SNX3: variants seen among roughly 807,000 people sequenced by gnomAD.
SNX3 encodes the protein sorting nexin 3.
A neutral mutation model predicts 17.7 loss-of-function variants in SNX3; 5 were observed. The ratio of observed to expected loss-of-function variants is 0.28; its 90% CI spans 0.15 to 0.59. The LOEUF (loss-of-function observed/expected upper bound fraction) is 0.59. Among genes scored for constraint, SNX3 ranks in the 20% least tolerant of loss-of-function variants. The pLI, the probability that SNX3 is intolerant of heterozygous loss-of-function variation, is 0.88. For synonymous variants in SNX3, 91 were observed against 76.5 expected (o/e 1.19, Z -0.99); for missense variants, 132 against 206.8 (o/e 0.64, Z 2.22).
chr6:108,213,649 C>CAA (rs34482948), intron 3 of SNX3, among the ~76,000 whole-genome samples: 81 of 84,408 alleles, frequency 9.6e-4, no homozygotes, highest in South Asian at 1.8e-3. Context: ...AAGACTGTCT[C>CAA]AAAAAAAAAA....
At chr6:108,216,151 G>A (rs566210209) in intron 2 of SNX3, among the ~76,000 whole-genome samples, 3 of 152,034 alleles carry the variant, frequency 2.0e-5, no homozygotes, top group Admixed American at 6.6e-5. Flanking sequence ...ATCATGGCTC[G>A]CTGCAGCCTC....
chr6:108,220,874 G>A (rs760554129), intron 2 of SNX3, among the ~76,000 whole-genome samples: 4 of 151,758 alleles, frequency 2.6e-5, no homozygotes, highest in African/African-American at 7.3e-5. Context: ...CCAGCTACTC[G>A]GGAGGCTGAG....
chr6:108,231,166 G>A (rs1032503852), intron 1 of SNX3, among the ~76,000 whole-genome samples: 4 of 151,470 alleles, frequency 2.6e-5, no homozygotes, highest in African/African-American at 9.7e-5. Flanking sequence ...GTGCAATGGC[G>A]CGATGTCGGC....
chr6:108,251,424 T>C (rs1283446156), intron 1 of SNX3, among the ~76,000 whole-genome samples: 1 of 152,182 alleles, frequency 6.6e-6, no homozygotes, highest in Non-Finnish European at 1.5e-5. Flanking sequence ...CTTCTTCACA[T>C]GGCCACCTGG....
At chr6:108,249,347 G>A (rs1176569856) in intron 1 of SNX3, among the ~76,000 whole-genome samples, 1 of 152,148 alleles carries the variant, frequency 6.6e-6, no homozygotes, top group Non-Finnish European at 1.5e-5. Flanking sequence ...GCTTGAACCT[G>A]GGAAGTGGAG....
chr6:108,259,177 G>C (rs1197978877), intron 1 of SNX3, among the ~76,000 whole-genome samples: 1 of 152,160 alleles, frequency 6.6e-6, no homozygotes, highest in Non-Finnish European at 1.5e-5. Context: ...AGTTCCCCAG[G>C]TGTACTGAAG....
At chr6:108,221,734 T>C (rs1440415943) in intron 2 of SNX3, among the ~76,000 whole-genome samples, 2 of 151,710 alleles carry the variant, frequency 1.3e-5, no homozygotes, top group East Asian at 1.9e-4. Context: ...TTTGTAGCGA[T>C]GGGGTTTCGC....
chr6:108,219,093 T>C (rs1774674626), intron 2 of SNX3, among the ~76,000 whole-genome samples: 1 of 152,228 alleles, frequency 6.6e-6, no homozygotes, highest in South Asian at 2.1e-4. Context: ...GGCTCACGCC[T>C]GTAATCCCAG....
At chr6:108,217,280 T>C (rs1323568278) in intron 2 of SNX3, among the ~76,000 whole-genome samples, 2 of 151,844 alleles carry the variant, frequency 1.3e-5, no homozygotes, top group Admixed American at 6.6e-5. Context: ...AGGATAGCTA[T>C]GCATTATCCT....
chr6:108,241,245 T>G (rs1294503063), intron 1 of SNX3, among the ~76,000 whole-genome samples: 1 of 150,174 alleles, frequency 6.7e-6, no homozygotes, highest in Non-Finnish European at 1.5e-5. Flanking sequence ...CATGGCTGAA[T>G]GAGACCTTTC....
intron 1 of SNX3, among the ~76,000 whole-genome samples, chr6:108,258,418 G>A (rs976679123): frequency 6.7e-6 from 1 of 150,132 alleles, no homozygotes; most frequent in African/African-American, 2.5e-5. Context: ...AAATAGCGCC[G>A]CTGCACTGCA....
chr6:108,227,825 T>TG (rs1377027024), intron 1 of SNX3, among the ~76,000 whole-genome samples: 31 of 151,974 alleles, frequency 2.0e-4, no homozygotes, highest in Non-Finnish European at 2.6e-4. Flanking sequence ...GTTTTTTTTT[T>TG]TTGTTGTTGT....
At chr6:108,257,886 C>A (rs1161073125) in intron 1 of SNX3, among the ~76,000 whole-genome samples, 1 of 151,962 alleles carries the variant, frequency 6.6e-6, no homozygotes, top group South Asian at 2.1e-4. Flanking sequence ...ATCGCTTGAA[C>A]TCGGAAGGCA....
chr6:108,238,905 C>CTT (rs34790159), intron 1 of SNX3, among the ~76,000 whole-genome samples: 1 of 142,984 alleles, frequency 7.0e-6, no homozygotes, highest in African/African-American at 2.6e-5. Flanking sequence ...CCTTTTCTTT[C>CTT]TTTTTTTTTT....
At chr6:108,243,823 C>T (rs75349711) in intron 1 of SNX3, among the ~76,000 whole-genome samples, 10,904 of 152,138 alleles carry the variant, frequency 0.072, 1,347 homozygotes, top group African/African-American at 0.25. Flanking sequence ...ATCCCAGCTA[C>T]TTGGAAGGCT....
chr6:108,255,951 C>G (rs1434403927), intron 1 of SNX3, among the ~76,000 whole-genome samples: 1 of 152,188 alleles, frequency 6.6e-6, no homozygotes, highest in Non-Finnish European at 1.5e-5. Flanking sequence ...TATTTGGAGC[C>G]TGGCATGGTG....
In SNX3 at chr6:108,211,298, C is replaced by T. The variant is rs1774399423; in HGVS notation, c.*851G>A. 6.6e-6 allele frequency: 1 copy of T among 152,148 alleles called. No homozygotes were observed. The highest frequency in any genetic ancestry group is 6.6e-5 in the Admixed American group (1 of 15,264). The allele number at this position is 152,148 out of a possible 1,614,324, so 9.4% of individuals were successfully genotyped here. A position where few individuals can be genotyped will look rare whatever the true frequency, so the allele number is the denominator to read the frequency against. On this transcript the variant is annotated 3_prime_UTR_variant, in exon 4 of 4. Transcript: ENST00000230085. ...ATACACAAAGTGCTTCAAAATGATT[C>T]AATAAGCCTTAAGCAATACATTTTT...
At chr6:108,216,788 C>T (rs946788922) in intron 2 of SNX3, among the ~76,000 whole-genome samples, 5 of 152,030 alleles carry the variant, frequency 3.3e-5, no homozygotes, top group African/African-American at 1.2e-4. Flanking sequence ...TATAGATTAA[C>T]AAAAAACAAA....
chr6:108,217,310 C>T (rs1037317753), intron 2 of SNX3, among the ~76,000 whole-genome samples: 2 of 151,914 alleles, frequency 1.3e-5, no homozygotes, highest in East Asian at 3.9e-4. Flanking sequence ...TACACTCTTC[C>T]TAACATATTC....
Sources: gnomAD v4.1 joint callset for allele counts (sites outside exome capture counted in the v4.1 genomes callset) on GRCh38, gnomAD v4.1.1 for gene constraint, MANE v1.5 for transcripts, NCBI Gene and HGNC (gene_info 2026-07-23, HGNC 2026-07-21) for gene names.